Variants in IL10RB observed in about 807,000 individuals in gnomAD.
IL10RB encodes interleukin 10 receptor subunit beta.
A neutral mutation model predicts 38.7 loss-of-function variants in IL10RB; 30 were observed. The observed-to-expected ratio is 0.78, with a 90% CI of 0.58 to 1.05. IL10RB has a LOEUF of 1.05. Ranked by LOEUF, IL10RB falls within the 50% of genes least tolerant of loss-of-function variation. The pLI, the probability that IL10RB is intolerant of heterozygous loss-of-function variation, is 0.00. For synonymous variants in IL10RB, 142 were observed against 145.9 expected (o/e 0.97, Z 0.19); for missense variants, 328 against 397.1 (o/e 0.83, Z 1.48).
intron 2 of IL10RB, among the ~76,000 whole-genome samples, chr21:33,276,180 G>C (rs1397519366): frequency 6.6e-6 from 1 of 152,040 alleles, no homozygotes; most frequent in Non-Finnish European, 1.5e-5. Flanking sequence ...CATAGAAAAG[G>C]TACAGTAAAA....
intron 2 of IL10RB, among the ~76,000 whole-genome samples, chr21:33,273,707 C>T (rs1317489491): frequency 6.6e-6 from 1 of 152,230 alleles, no homozygotes; most frequent in East Asian, 1.9e-4. Flanking sequence ...CTTTCAAACC[C>T]TGCTATCAAC....
At chr21:33,277,966 C>G (rs2123576202) in intron 3 of IL10RB, among the ~76,000 whole-genome samples, 1 of 148,312 alleles carries the variant, frequency 6.7e-6, no homozygotes, top group Non-Finnish European at 1.5e-5. Flanking sequence ...AACCACCACA[C>G]TTGTCCTTGA....
intron 1 of IL10RB, among the ~76,000 whole-genome samples, chr21:33,303,866 C>T (rs2082992044): frequency 6.6e-6 from 1 of 152,166 alleles, no homozygotes; most frequent in East Asian, 1.9e-4. Context: ...GCAGGTGATC[C>T]CACTAAGGGG....
At chr21:33,286,728 C>T (rs1206754192) in intron 5 of IL10RB, among the ~76,000 whole-genome samples, 1 of 152,042 alleles carries the variant, frequency 6.6e-6, no homozygotes, top group East Asian at 1.9e-4. Context: ...TGACACATGC[C>T]TGTCGTCCCA....
At chr21:33,281,663 A>C (rs1324042968) in intron 4 of IL10RB, among the ~76,000 whole-genome samples, 1 of 151,776 alleles carries the variant, frequency 6.6e-6, no homozygotes, top group African/African-American at 2.4e-5. Context: ...GCTTACTGCA[A>C]CCTCCGCCTC....
chr21:33,290,875 G>C (rs1399798906), intron 6 of IL10RB, among the ~76,000 whole-genome samples: 1 of 152,206 alleles, frequency 6.6e-6, no homozygotes, highest in Non-Finnish European at 1.5e-5. Context: ...TAGCAAAGTA[G>C]CACTCGTTGC....
chr21:33,288,375 G>A (rs948952089), intron 6 of IL10RB, 114 bp downstream of exon 6: 41 of 673,138 alleles, frequency 6.1e-5, no homozygotes, highest in South Asian at 1.4e-4. Flanking sequence ...ACACACACGC[G>A]CGCGCGCACA....
At chr21:33,269,716 T>C (rs1248209311) in intron 2 of IL10RB, among the ~76,000 whole-genome samples, 1 of 150,584 alleles carries the variant, frequency 6.6e-6, no homozygotes, top group Non-Finnish European at 1.5e-5. Flanking sequence ...TGGAGTGCAG[T>C]GGCGCGATCT....
intron 5 of IL10RB, among the ~76,000 whole-genome samples, chr21:33,287,229 A>G (rs1188476264): frequency 1.3e-5 from 2 of 152,232 alleles, no homozygotes; most frequent in African/African-American, 2.4e-5. Flanking sequence ...GCTGGGAAGA[A>G]CAAATGGTAA....
At position 33,283,358 on chromosome 21, in the gene IL10RB, A is replaced by G. The variant is rs193299357; in HGVS notation, c.646+117A>G. On this transcript the variant is annotated intron_variant, in intron 5 of 6. Transcript: ENST00000290200. ...CAGTTCAGAAATCTATCGCCCTGAC[A>G]TTATCTCTCAGCCCTGACTGCTCAG... The G allele has an allele frequency of 2.2e-4, 237 of 1,057,238 alleles. 2 individuals carry two copies. In the Admixed American group the frequency reaches 4.3e-3, roughly 19 times the overall value. The allele number at this position is 1,057,238 out of a possible 1,614,324, so 65.5% of individuals were successfully genotyped here. A position where few individuals can be genotyped will look rare whatever the true frequency, so the allele number is the denominator to read the frequency against.
downstream of IL10RB, among the ~76,000 whole-genome samples, chr21:33,298,324 T>G (rs2082975931): frequency 1.3e-5 from 2 of 152,118 alleles, no homozygotes; most frequent in Admixed American, 6.6e-5. Flanking sequence ...TATATAGAAA[T>G]AAAATTTGGC....
chr21:33,278,111 G>A (rs1327939970), intron 3 of IL10RB, among the ~76,000 whole-genome samples: 2 of 151,914 alleles, frequency 1.3e-5, no homozygotes, highest in African/African-American at 4.8e-5. Flanking sequence ...CAGCTACTTG[G>A]GAGGCTGAGG....
intron 3 of IL10RB, among the ~76,000 whole-genome samples, chr21:33,278,804 C>A (rs778647383): frequency 2.6e-5 from 4 of 152,214 alleles, no homozygotes; most frequent in African/African-American, 7.2e-5. Flanking sequence ...AACAAGTTTT[C>A]TTGTCTGGTT....
downstream of IL10RB, among the ~76,000 whole-genome samples, chr21:33,301,097 TA>T (rs1315286992): frequency 6.6e-6 from 1 of 152,192 alleles, no homozygotes; most frequent in African/African-American, 2.4e-5. Context: ...GCAAGGGAGT[TA>T]GCTGAGAATG....
At chr21:33,279,695 T>G in intron 3 of IL10RB, 57 bp from the exon 4 acceptor site, 1 of 1,445,562 alleles carries the variant, frequency 6.9e-7, no homozygotes, top group Non-Finnish European at 9.7e-7. Flanking sequence ...GAAAAATTAA[T>G]GTTGAAGTTT....
At chr21:33,306,337 A>G (rs2082998879) in intron 1 of IL10RB, among the ~76,000 whole-genome samples, 1 of 152,182 alleles carries the variant, frequency 6.6e-6, no homozygotes, top group Non-Finnish European at 1.5e-5. Flanking sequence ...TTATACTGAA[A>G]AGTTTTGTAA....
At position 33,277,867 on chromosome 21, in the gene IL10RB, C is replaced by A. The variant is rs1416933737; in HGVS notation, c.331+1114C>A. ...TTTGTATTTTTAGTAGAGACGGGGT[C>A]TCACCATGTTGGCCAGGCTGGTCTT... On this transcript the variant is annotated intron_variant, in intron 3 of 6. Coordinates refer to ENST00000290200, the MANE Select transcript of IL10RB (RefSeq NM_000628.5). 1.3e-5 allele frequency among the ~76,000 whole-genome samples: 2 copies of A among 149,772 alleles called. 1 individual carries two copies. The highest frequency in any genetic ancestry group is 3.0e-5 in the Non-Finnish European group (2 of 67,414).
At chr21:33,280,957 A>G (rs1039824298) in intron 4 of IL10RB, among the ~76,000 whole-genome samples, 2 of 152,198 alleles carry the variant, frequency 1.3e-5, no homozygotes, top group African/African-American at 4.8e-5. Context: ...ACCACAGACT[A>G]GGTAACTTAT....
Position 33,296,549 on chromosome 21 carries a change from T to C in IL10RB, c.*192T>C. On this transcript the variant is annotated 3_prime_UTR_variant, in exon 7 of 7. Transcript: ENST00000290200. Reference sequence around the variant, plus strand: ...GCTGTCTTGGCAAAAATACTCCATTTGGGAACTCACTGCCTTATAAAGGCT... The same window carrying C: ...GCTGTCTTGGCAAAAATACTCCATTCGGGAACTCACTGCCTTATAAAGGCT... 1 of 701,912 alleles carries C rather than the reference T, an allele frequency of 1.4e-6. No individual in the cohort carries two copies. Among genetic ancestry groups the C allele is most frequent in the East Asian group, 2.7e-5 (1 of 36,650 alleles). The allele number at this position is 701,912 out of a possible 1,614,324, so 43.5% of individuals were successfully genotyped here. A position where few individuals can be genotyped will look rare whatever the true frequency, so the allele number is the denominator to read the frequency against.
Sources: gnomAD v4.1 joint callset for allele counts (sites outside exome capture counted in the v4.1 genomes callset) on GRCh38, gnomAD v4.1.1 for gene constraint, MANE v1.5 for transcripts, NCBI Gene and HGNC (gene_info 2026-07-23, HGNC 2026-07-21) for gene names.